Variants in NCOR2 observed in about 807,000 individuals in gnomAD.
The protein encoded by NCOR2 is nuclear receptor corepressor 2, also known as CTG repeat protein 26.
Under a neutral mutation model 262.9 loss-of-function variants are expected in NCOR2, and 81 were observed. The observed-to-expected ratio is 0.31, with a 90% confidence interval of 0.26 to 0.37. The LOEUF (loss-of-function observed/expected upper bound fraction) is 0.37. NCOR2 is among the 10% of genes least tolerant of loss of function. The probability of loss-of-function intolerance (pLI) is 1.00; values close to 1 mark genes in which losing one functional copy is unlikely to be tolerated. For synonymous variants in NCOR2, 1,659 were observed against 1,559.3 expected, an observed-to-expected ratio of 1.06 and a Z score of -1.51; for missense variants, 3,385 against 3,621.4, an observed-to-expected ratio of 0.93 and a Z score of 1.68.
At chr12:124,488,735 G>A (rs2047913567) in intron 1 of NCOR2, among the ~76,000 whole-genome samples, 2 of 152,222 alleles carry the variant, frequency 1.3e-5, no homozygotes, top group Non-Finnish European at 2.9e-5. Context: ...CTCACAGTCT[G>A]CCAGGAGGAT....
chr12:124,364,107 C>T (rs953513805), intron 20 of NCOR2, among the ~76,000 whole-genome samples: 1 of 152,216 alleles, frequency 6.6e-6, no homozygotes, highest in Non-Finnish European at 1.5e-5. Flanking sequence ...TAGAGGCCAG[C>T]CGGGCAGTGC....
Position 124,548,795 on chromosome 12 carries a change from C to A in NCOR2, c.-164-13184G>T, listed in dbSNP as rs1430166465. Reference sequence around the variant, plus strand: ...CCCTCCCTACACAGTTTTCAAATGACCTGGCCATTCAAAAAAACCTGCCAG... The same window carrying A: ...CCCTCCCTACACAGTTTTCAAATGAACTGGCCATTCAAAAAAACCTGCCAG... On this transcript the variant is annotated intron_variant, in intron 1 of 32. Transcript: ENST00000458234. This position sits in a 1 kb window ranked among gnomAD's most constrained non-coding sequence, Gnocchi z 5.1. 1.3e-5 allele frequency among the ~76,000 whole-genome samples: 2 copies of A among 152,036 alleles called. No homozygotes were observed. Among genetic ancestry groups the A allele is most frequent in the Non-Finnish European group, 2.9e-5 (2 of 68,018 alleles).
intron 22 of NCOR2, among the ~76,000 whole-genome samples, chr12:124,357,990 C>G (rs1385476044): frequency 1.4e-5 from 2 of 140,896 alleles, no homozygotes; most frequent in African/African-American, 5.4e-5. Flanking sequence ...AAGGAGGTAA[C>G]CTGTGGTGTG....
chr12:124,481,505 G>C lies in NCOR2; in HGVS notation c.411+2091C>G, dbSNP rs2047484110. Among the ~76,000 whole-genome samples, 3 of 152,314 alleles carry C rather than the reference G, an allele frequency of 2.0e-5. No individual in the cohort carries two copies. The highest frequency in any genetic ancestry group is 4.8e-5 in the African/African-American group (2 of 41,572). ...CCATGCAGGCCCTGGAGGGCAGCCAGGGCTGGAAGGAGCGAGGAAAGAGGA... is the reference window on the plus strand; with the variant it reads ...CCATGCAGGCCCTGGAGGGCAGCCACGGCTGGAAGGAGCGAGGAAAGAGGA... On this transcript the variant is annotated intron_variant, in intron 3 of 46. Transcript: ENST00000405201. This position sits in a 1 kb window ranked among gnomAD's most constrained non-coding sequence, Gnocchi z 4.6.
chr12:124,398,181 G>C, exon 16 of NCOR2: 1 of 1,614,176 alleles, frequency 6.2e-7, no homozygotes, highest in Non-Finnish European at 8.5e-7. Context: ...CTCCATGGAG[G>C]CTGAAAAGAA....
chr12:124,476,147 C>G (rs571890180), intron 3 of NCOR2, among the ~76,000 whole-genome samples: 1 of 152,330 alleles, frequency 6.6e-6, no homozygotes, highest in Admixed American at 6.5e-5. Context: ...AAACCATGGA[C>G]AGCTCATGCG....
intron 7 of NCOR2, 93 bp downstream of exon 9, chr12:124,449,722 G>A: frequency 6.9e-7 from 1 of 1,459,114 alleles, no homozygotes; most frequent in Non-Finnish European, 9.4e-7. Context: ...GATGGGAACA[G>A]AGAGCCCACG....
At chr12:124,399,283 A>AGCCAGGGGT (rs1387951006) in intron 15 of NCOR2, among the ~76,000 whole-genome samples, 1 of 152,114 alleles carries the variant, frequency 6.6e-6, no homozygotes, top group Non-Finnish European at 1.5e-5. Flanking sequence ...AGCCTACAGA[A>AGCCAGGGGT]GCCAGGGGTG....
intron 1 of NCOR2, among the ~76,000 whole-genome samples, chr12:124,512,581 G>T (rs1223855421): frequency 6.6e-6 from 1 of 152,118 alleles, no homozygotes; most frequent in Non-Finnish European, 1.5e-5. Context: ...ACTCTTGGGG[G>T]TATCACCACT....
In NCOR2 at chr12:124,351,177, G is replaced by A. The variant is rs183207320; in HGVS notation, c.3694-440C>T. 1.9e-3 allele frequency among the ~76,000 whole-genome samples: 288 copies of A among 152,306 alleles called. 1 individual carries two copies. The Middle Eastern group carries it at 0.02, about 11-fold the overall frequency. On this transcript the variant is annotated intron_variant, in intron 27 of 46. Transcript: ENST00000405201. ...CACCACTGCGTGGGGTCTACTCAGAGCCTTGACATTCAGTTACCGAAAACG... is the reference window on the plus strand; with the variant it reads ...CACCACTGCGTGGGGTCTACTCAGAACCTTGACATTCAGTTACCGAAAACG...
At chr12:124,441,221 CAAG>C (rs1436865161) in intron 7 of NCOR2, among the ~76,000 whole-genome samples, 1 of 152,120 alleles carries the variant, frequency 6.6e-6, no homozygotes, top group Non-Finnish European at 1.5e-5. Context: ...AGGAAGTATG[CAAG>C]AAGAGCCCAG....
At chr12:124,533,463 C>A (rs960037578) in intron 1 of NCOR2, among the ~76,000 whole-genome samples, 2 of 152,046 alleles carry the variant, frequency 1.3e-5, no homozygotes, top group Non-Finnish European at 2.9e-5. Context: ...GAAACTGCAA[C>A]CCCCAGCCCA....
intron 8 of NCOR2, among the ~76,000 whole-genome samples, chr12:124,436,549 G>A (rs928099028): frequency 6.6e-6 from 1 of 152,170 alleles, no homozygotes; most frequent in Non-Finnish European, 1.5e-5. Flanking sequence ...CAGCAGCCCC[G>A]TGGCTTGGGT....
At position 124,432,067 on chromosome 12, in the gene NCOR2, G is replaced by A. The variant is rs1190023972; in HGVS notation, c.883-1280C>T. ...CAGGCAGGCAGGCAGACACACAGGC[G>A]GTCACACAGGCAGGCAGACACACAC... On this transcript the variant is annotated intron_variant, in intron 8 of 46. Coordinates refer to ENST00000405201, the Ensembl canonical transcript of NCOR2. This position sits in a 1 kb window ranked among gnomAD's most constrained non-coding sequence, Gnocchi z 5.1. Among the ~76,000 whole-genome samples the A allele has an allele frequency of 2.9e-5, 4 of 138,972 alleles. No homozygotes were observed. Among genetic ancestry groups the A allele is most frequent in the African/African-American group, 1.1e-4 (4 of 37,016 alleles). 91.2% of individuals were successfully genotyped at this position (138,972 alleles called of 152,430 possible).
At chr12:124,461,899 G>A (rs771689954) in intron 5 of NCOR2, among the ~76,000 whole-genome samples, 6 of 152,206 alleles carry the variant, frequency 3.9e-5, no homozygotes, top group Non-Finnish European at 8.8e-5. Flanking sequence ...ATGCATGGAT[G>A]TGTAAGTGCA....
chr12:124,360,172 T>G (rs1407193206), intron 22 of NCOR2, among the ~76,000 whole-genome samples: 1 of 152,194 alleles, frequency 6.6e-6, no homozygotes, highest in African/African-American at 2.4e-5. Flanking sequence ...GCCCCTGACA[T>G]GGATACACAG....
rs377061627 is a variant in NCOR2, at chr12:124,344,958, C to T, written c.4360-7G>A. On this transcript the variant is annotated splice_polypyrimidine_tract_variant and splice_region_variant and intron_variant, in intron 31 of 46. Coordinates refer to ENST00000405201, the Ensembl canonical transcript of NCOR2. ...CGTACTTGAGCGGGGTGCCCTGGGGCAGAGGGGATGTAAGCTCTAGCCCTG... is the reference window on the plus strand; with the variant it reads ...CGTACTTGAGCGGGGTGCCCTGGGGTAGAGGGGATGTAAGCTCTAGCCCTG... 4.6e-6 allele frequency: 7 copies of T among 1,530,714 alleles called. No individual in the cohort carries two copies. Among genetic ancestry groups the T allele is most frequent in the Middle Eastern group, 1.7e-4 (1 of 5,928 alleles). 94.8% of individuals were successfully genotyped at this position (1,530,714 alleles called of 1,614,324 possible). A position where few individuals can be genotyped will look rare whatever the true frequency, so the allele number is the denominator to read the frequency against.
intron 44 of NCOR2, 74 bp downstream of exon 46, chr12:124,330,771 T>C: frequency 1.3e-6 from 2 of 1,495,604 alleles, no homozygotes; most frequent in Non-Finnish European, 1.8e-6. Context: ...CGTCCCTTCA[T>C]GACAGCTGGA....
At chr12:124,545,963 G>C (rs527307880) in intron 1 of NCOR2, among the ~76,000 whole-genome samples, 228 of 152,320 alleles carry the variant, frequency 1.5e-3, no homozygotes, top group Non-Finnish European at 2.6e-3. Flanking sequence ...CATTACCTGG[G>C]GCAGCAGTTC....
Sources: gnomAD v4.1 joint callset for allele counts (sites outside exome capture counted in the v4.1 genomes callset) on GRCh38, gnomAD v4.1.1 for gene constraint, Gnocchi (gnomAD v3.1) non-coding constraint, MANE v1.5 for transcripts, NCBI Gene and HGNC (gene_info 2026-07-23, HGNC 2026-07-21) for gene names.